TYRO3: variants seen among roughly 807,000 people sequenced by gnomAD.
TYRO3 encodes TYRO3 protein tyrosine kinase.
A neutral mutation model predicts 95.2 loss-of-function variants in TYRO3; 38 were observed. The observed-to-expected ratio is 0.40, with a 90% CI of 0.31 to 0.52. TYRO3 has a LOEUF of 0.52. Among genes scored for constraint, TYRO3 ranks in the 20% least tolerant of loss-of-function variants. The pLI is 0.56. For synonymous variants in TYRO3, 367 were observed against 432.9 expected, an observed-to-expected ratio of 0.85 and a Z score of 1.89; for missense variants, 812 against 1,116.4, an observed-to-expected ratio of 0.73 and a Z score of 3.89.
At chr15:41,562,119 C>T (rs2055665534) in intron 3 of TYRO3, 2 of 180,314 alleles carry the variant, frequency 1.1e-5, no homozygotes, top group South Asian at 2.8e-4. Context: ...TCCCAGCTCT[C>T]CACCCCCAGT....
intron 4 of TYRO3, among the ~76,000 whole-genome samples, chr15:41,563,034 C>A (rs1004691365): frequency 1.3e-5 from 2 of 152,072 alleles, no homozygotes; most frequent in Non-Finnish European, 2.9e-5. Context: ...ATCCCCCACC[C>A]CTCCCAAGGA....
rs552816337 is a variant in TYRO3 at position 41,564,933 on chromosome 15, G to A, written c.668-93G>A. 26 of 815,136 alleles carry A rather than the reference G, an allele frequency of 3.2e-5. No homozygotes were observed. The South Asian group carries it at 3.8e-4, about 12-fold the overall frequency. The allele number at this position is 815,136 out of a possible 1,614,324, so 50.5% of individuals were successfully genotyped here. Reference sequence around the variant, plus strand: ...CCGTCTTTAGGTTGGGGATGCCCTGGACCCTCAGAGAGACTCAAGGCTTGA... The same window carrying A: ...CCGTCTTTAGGTTGGGGATGCCCTGAACCCTCAGAGAGACTCAAGGCTTGA... On this transcript the variant is annotated intron_variant, in intron 5 of 18. Coordinates refer to ENST00000263798, the MANE Select transcript of TYRO3 (RefSeq NM_006293.4).
chr15:41,568,127 T>C lies in TYRO3; in HGVS notation c.962-90T>C, dbSNP rs543503482. The stretch of plus-strand genomic sequence containing the variant: ...CCAGTTTGTGCCTCTCAGAGCTGTT[T>C]AGTTCTTGGGAGTTGATTCCAAAGG... On this transcript the variant is annotated intron_variant, in intron 7 of 18. Transcript: ENST00000263798. 4 of 1,547,392 alleles carry C rather than the reference T, an allele frequency of 2.6e-6. No homozygotes were observed. The Admixed American group carries it at 5.2e-5, about 20-fold the overall frequency.
intron 6 of TYRO3, 80 bp downstream of exon 6, chr15:41,565,221 C>T: frequency 2.3e-6 from 2 of 874,518 alleles, no homozygotes; most frequent in Non-Finnish European, 3.7e-6. Flanking sequence ...ACTCACTAGC[C>T]AGCTCCTGGG....
At chr15:41,574,325 A>G (rs1486280197) in intron 18 of TYRO3, among the ~76,000 whole-genome samples, 3 of 152,206 alleles carry the variant, frequency 2.0e-5, no homozygotes, top group Admixed American at 2.0e-4. Context: ...TTCTTTCTGC[A>G]AGCCCAAAGC....
In TYRO3 at chr15:41,582,009, A is replaced by AC. The variant is rs1048114689; in HGVS notation, c.*3736dup. On this transcript the variant is annotated 3_prime_UTR_variant, in exon 19 of 19. Coordinates refer to ENST00000263798, the MANE Select transcript of TYRO3 (RefSeq NM_006293.4). ...CAGCATTAACAGCAACCCAGAAGCA[A>AC]CCCTTGGGACCTGCCTCAATCTCTG... The AC allele has an allele frequency of 1.3e-5, 2 of 152,028 alleles. No homozygotes were observed. Among genetic ancestry groups the AC allele is most frequent in the African/African-American group, 4.8e-5 (2 of 41,402 alleles). The allele number at this position is 152,028 out of a possible 1,614,324, so 9.4% of individuals were successfully genotyped here. A position where few individuals can be genotyped will look rare whatever the true frequency, so the allele number is the denominator to read the frequency against.
rs2055893052 is a variant in TYRO3, at chr15:41,578,835, C to A, written c.*559C>A. 1 of 157,560 alleles carries A rather than the reference C, an allele frequency of 6.3e-6. No homozygotes were observed. Among genetic ancestry groups the A allele is most frequent in the East Asian group, 1.9e-4 (1 of 5,260 alleles). The allele number at this position is 157,560 out of a possible 1,614,324, so 9.8% of individuals were successfully genotyped here. Reference sequence around the variant, plus strand: ...TCTTCACCATCTTTCTGATTCCGCACCCTGCCTACGCCAGGAGAAGTTGAG... The same window carrying A: ...TCTTCACCATCTTTCTGATTCCGCAACCTGCCTACGCCAGGAGAAGTTGAG... On this transcript the variant is annotated 3_prime_UTR_variant, in exon 19 of 19. Transcript: ENST00000263798.
chr15:41,573,917 A>G (rs1165427542), intron 18 of TYRO3, 102 bp downstream of exon 18: 3 of 1,153,574 alleles, frequency 2.6e-6, no homozygotes, highest in South Asian at 1.5e-5. Context: ...GTTTTTTGAT[A>G]GAAACATCCT....
At chr15:41,568,194 C>A in intron 7 of TYRO3, 23 bp from the exon 8 acceptor site, 2 of 1,610,466 alleles carry the variant, frequency 1.2e-6, no homozygotes, top group Non-Finnish European at 1.7e-6. Context: ...GGGGTCTTAG[C>A]AATCTTCTCT....
intron 18 of TYRO3, among the ~76,000 whole-genome samples, chr15:41,576,447 C>G (rs930627040): frequency 6.6e-6 from 1 of 152,010 alleles, no homozygotes; most frequent in African/African-American, 2.4e-5. Context: ...CCCACCTTGG[C>G]CTCCCAAAGG....
rs200965082 is a variant in TYRO3 at position 41,572,565 on chromosome 15, G to A, written c.1875+1G>A. The stretch of plus-strand genomic sequence containing the variant: ...CTCCCGGATTGGGGAGAACCCCTTT[G>A]TGAGTACCTGGTGTGGGGGTGGCCA... On this transcript the variant is annotated splice_donor_variant, in intron 15 of 18. Transcript: ENST00000263798. LOFTEE classifies it high-confidence loss of function. 3.2e-6 allele frequency: 3 copies of A among 948,548 alleles called. No individual in the cohort carries two copies. Among genetic ancestry groups the A allele is most frequent in the Non-Finnish European group, 4.8e-6 (3 of 630,562 alleles). The allele number at this position is 948,548 out of a possible 1,614,324, so 58.8% of individuals were successfully genotyped here.
At chr15:41,559,438 G>A in intron 1 of TYRO3, 57 bp downstream of exon 1, 2 of 260,436 alleles carry the variant, frequency 7.7e-6, no homozygotes, top group Non-Finnish European at 1.5e-5. Flanking sequence ...GGCGCGGCCG[G>A]GGGTCGGAGC....
chr15:41,575,213 C>T (rs534795809), intron 18 of TYRO3, among the ~76,000 whole-genome samples: 2 of 152,202 alleles, frequency 1.3e-5, no homozygotes, highest in Non-Finnish European at 2.9e-5. Flanking sequence ...CTGTGGGTAA[C>T]TCACCTACAC....
intron 15 of TYRO3, among the ~76,000 whole-genome samples, 177 bp downstream of exon 15, chr15:41,572,741 A>G (rs546015174): frequency 5.3e-5 from 8 of 152,222 alleles, no homozygotes; most frequent in Admixed American, 4.6e-4. Flanking sequence ...TCTCTCACAA[A>G]ACCCTGCTGA....
Position 41,581,843 on chromosome 15 carries a change from A to G in TYRO3, c.*3567A>G, listed in dbSNP as rs916694412. 1 of 151,390 alleles carries G rather than the reference A, an allele frequency of 6.6e-6. No homozygotes were observed. The highest frequency in any genetic ancestry group is 2.4e-5 in the African/African-American group (1 of 41,244). 9.4% of individuals were successfully genotyped at this position (151,390 alleles called of 1,614,324 possible). ...ACTCCATCTCAAAAAAAAAAAAAAA[A>G]AAAAGAGGCCAGGCATGGTGGCTCA... On this transcript the variant is annotated 3_prime_UTR_variant, in exon 19 of 19. Transcript: ENST00000263798.
chr15:41,570,418 TTGAC>T, intron 11 of TYRO3, 78 bp downstream of exon 11: 1 of 1,382,370 alleles, frequency 7.2e-7, no homozygotes, highest in Non-Finnish European at 1.0e-6. Context: ...AATTATTAAT[TTGAC>T]TGATATGTCT....
At chr15:41,577,394 C>T (rs761812982) in intron 18 of TYRO3, 4 of 152,048 alleles carry the variant, frequency 2.6e-5, no homozygotes, top group Non-Finnish European at 4.4e-5. Context: ...TGTGCAATCT[C>T]GGCTCACCGC....
At position 41,580,583 on chromosome 15, in the gene TYRO3, A is replaced by T. The variant is rs942326499; in HGVS notation, c.*2307A>T. Reference sequence around the variant, plus strand: ...CACCACCTAGAGATAATCACCATTGATCTTTTGAAAATGCAAATATTCAGC... The same window carrying T: ...CACCACCTAGAGATAATCACCATTGTTCTTTTGAAAATGCAAATATTCAGC... On this transcript the variant is annotated 3_prime_UTR_variant, in exon 19 of 19. Transcript: ENST00000263798. 8 of 151,742 alleles carry T rather than the reference A, an allele frequency of 5.3e-5. No individual in the cohort carries two copies. The highest frequency in any genetic ancestry group is 1.9e-4 in the African/African-American group (8 of 41,326). The allele number at this position is 151,742 out of a possible 1,614,324, so 9.4% of individuals were successfully genotyped here.
At chr15:41,571,016 C>T (rs2055788539) in intron 12 of TYRO3, 22 bp from the exon 13 acceptor site, 1 of 1,612,906 alleles carries the variant, frequency 6.2e-7, no homozygotes, top group Non-Finnish European at 8.5e-7. Context: ...GGAGACTCTC[C>T]CTTACTTGGA....
Sources: allele counts gnomAD v4.1 joint callset (sites outside exome capture counted in the v4.1 genomes callset), GRCh38; gene constraint gnomAD v4.1.1; transcripts MANE v1.5; gene names NCBI Gene and HGNC (gene_info 2026-07-23, HGNC 2026-07-21).